Variants in PPA2 observed in about 807,000 individuals in gnomAD.
The protein encoded by PPA2 is inorganic pyrophosphatase 2, mitochondrial.
Under a neutral mutation model 49.5 loss-of-function variants are expected in PPA2, and 48 were observed. The observed-to-expected ratio is 0.97, with a 90% CI of 0.77 to 1.23. PPA2 has a LOEUF of 1.23. Among genes scored for constraint, PPA2 ranks in the 50% most tolerant of loss-of-function variants. The pLI, the probability that PPA2 is intolerant of heterozygous loss-of-function variation, is 0.00. For synonymous variants in PPA2, 131 were observed against 139.9 expected (o/e 0.94, Z 0.45); for missense variants, 429 against 410.1 (o/e 1.05, Z -0.40).
chr4:105,434,102 C>T (rs991133937), intron 6 of PPA2, among the ~76,000 whole-genome samples: 14 of 152,144 alleles, frequency 9.2e-5, no homozygotes, highest in Admixed American at 7.9e-4. Flanking sequence ...GCTGGGATTA[C>T]AGGCATGAGC....
At chr4:105,372,671 G>C (rs1459913441) in intron 10 of PPA2, among the ~76,000 whole-genome samples, 2 of 152,132 alleles carry the variant, frequency 1.3e-5, no homozygotes, top group African/African-American at 4.8e-5. Context: ...GGCTCTCCTG[G>C]GTCTCCAGGC....
intron 7 of PPA2, among the ~76,000 whole-genome samples, chr4:105,412,909 G>A (rs1722829193): frequency 6.6e-6 from 1 of 152,212 alleles, no homozygotes; most frequent in South Asian, 2.1e-4. Flanking sequence ...TTCAACCATT[G>A]CAGAAGACAG....
rs370931408 is a variant in PPA2, at chr4:105,426,438, G to A, written c.529-2116C>T. Among the ~76,000 whole-genome samples the A allele has an allele frequency of 2.4e-4, 36 of 152,330 alleles. No homozygotes were observed. The East Asian group carries it at 6.7e-3, about 29-fold the overall frequency. The stretch of plus-strand genomic sequence containing the variant: ...GATTTCCCTTTTCTAGCCAAGGGAA[G>A]CCATGAGTGACTGTACCTGGAGGAA... On this transcript the variant is annotated intron_variant, in intron 6 of 11. Coordinates refer to ENST00000341695, the MANE Select transcript of PPA2 (RefSeq NM_176869.3).
At chr4:105,409,658 T>A (rs982466391) in intron 7 of PPA2, among the ~76,000 whole-genome samples, 2 of 152,150 alleles carry the variant, frequency 1.3e-5, no homozygotes, top group African/African-American at 4.8e-5. Context: ...AGACACCTCA[T>A]ACAGGTGGGT....
chr4:105,446,432 T>A lies in PPA2; in HGVS notation c.392A>T (p.Asn131Ile). The A allele has an allele frequency of 6.2e-7, 1 of 1,606,720 alleles. No homozygotes were observed. ...VKDGKLRYVANIFPYKGYIWN... is the reference protein window; with the variant it reads ...VKDGKLRYVAIIFPYKGYIWN... ...TATATAACCCTTGTAAGGGAAGATA[T>A]TCGCCACATAGCGTAGCTTTCCATC... Residue 131 changes from asparagine (N) to isoleucine (I), a missense_variant, in exon 5 of 12, where the codon AAT (asparagine) becomes ATT (isoleucine). Coordinates refer to ENST00000341695, the MANE Select transcript of PPA2 (RefSeq NM_176869.3).
At position 105,399,086 on chromosome 4, in the gene PPA2, T is replaced by C; in HGVS notation, c.734A>G (p.Asp245Gly). The change falls in exon 8 of 12, where the codon GAT (aspartate) becomes GGT (glycine). Residue 245 changes from aspartate to glycine, a missense_variant. Transcript: ENST00000341695. ...AGCAAACTGGTTTTCTGGTTTTCCATCTGGTACCTTATATAATCTAAACCA... is the reference window on the plus strand; with the variant it reads ...AGCAAACTGGTTTTCTGGTTTTCCACCTGGTACCTTATATAATCTAAACCA... Reference protein sequence around the residue: ...LNWFRLYKVPDGKPENQFAFN... With the variant: ...LNWFRLYKVPGGKPENQFAFN... 2 of 1,611,038 alleles carry C rather than the reference T, an allele frequency of 1.2e-6. No homozygotes were observed. Among genetic ancestry groups the C allele is most frequent in the Non-Finnish European group, 1.7e-6 (2 of 1,179,242 alleles).
At chr4:105,451,717 C>A (rs1207638681) in intron 3 of PPA2, among the ~76,000 whole-genome samples, 3 of 152,302 alleles carry the variant, frequency 2.0e-5, no homozygotes, top group African/African-American at 7.2e-5. Context: ...CCTACCAAAA[C>A]CACTCACAGA....
intron 11 of PPA2, 105 bp downstream of exon 11, chr4:105,370,731 GC>G (rs1486152195): frequency 8.1e-7 from 1 of 1,234,272 alleles, no homozygotes; most frequent in African/African-American, 1.6e-5. Context: ...AGCTTATACA[GC>G]TTTTCAATTT....
intron 4 of PPA2, among the ~76,000 whole-genome samples, chr4:105,447,828 G>C (rs1386467878): frequency 6.6e-6 from 1 of 151,426 alleles, no homozygotes; most frequent in African/African-American, 2.4e-5. Flanking sequence ...CTGCCTCCTG[G>C]AAGCAAGCAA....
intron 10 of PPA2, among the ~76,000 whole-genome samples, chr4:105,374,277 C>T (rs961246140): frequency 1.7e-4 from 26 of 152,178 alleles, no homozygotes; most frequent in Non-Finnish European, 7.3e-5. Context: ...GCTACTTCCA[C>T]GGCTGGGTGT....
chr4:105,437,155 A>C (rs998468252), intron 6 of PPA2, among the ~76,000 whole-genome samples: 2 of 152,212 alleles, frequency 1.3e-5, no homozygotes, highest in African/African-American at 4.8e-5. Flanking sequence ...TTCTCAAAAA[A>C]AGAAATATAA....
chr4:105,424,038 G>C (rs1163110750), intron 7 of PPA2, among the ~76,000 whole-genome samples, 158 bp downstream of exon 7: 1 of 152,046 alleles, frequency 6.6e-6, no homozygotes, highest in African/African-American at 2.4e-5. Context: ...CCAGTAGAAT[G>C]TACTTTCTTC....
chr4:105,449,417 C>G lies in PPA2; in HGVS notation c.268-14G>C, dbSNP rs1435657125. 1.3e-6 allele frequency: 2 copies of G among 1,530,366 alleles called. No individual in the cohort carries two copies. The highest frequency in any genetic ancestry group is 2.8e-5 in the African/African-American group (2 of 71,910). 94.8% of individuals were successfully genotyped at this position (1,530,366 alleles called of 1,614,324 possible). A position where few individuals can be genotyped will look rare whatever the true frequency, so the allele number is the denominator to read the frequency against. On this transcript the variant is annotated splice_polypyrimidine_tract_variant and intron_variant, in intron 3 of 11. Transcript: ENST00000341695. ...ATTAAACAGATTCTGCAGTTAAAAA[C>G]AAAACAAAGAGAGAACATTAAAAAT...
At chr4:105,471,152 G>C (rs1292684536) in intron 1 of PPA2, among the ~76,000 whole-genome samples, 1 of 152,122 alleles carries the variant, frequency 6.6e-6, no homozygotes, top group Non-Finnish European at 1.5e-5. Context: ...TATACCATGG[G>C]ATGCTTGTGT....
At chr4:105,388,836 G>GA (rs11307608) in intron 9 of PPA2, among the ~76,000 whole-genome samples, 19 of 98,580 alleles carry the variant, frequency 1.9e-4, no homozygotes, top group East Asian at 1.8e-3. Context: ...AAAAAAAAAA[G>GA]AAAAAAAAAA....
chr4:105,386,006 AGTAG>A (rs1179796412), intron 10 of PPA2, among the ~76,000 whole-genome samples: 2 of 151,324 alleles, frequency 1.3e-5, no homozygotes, highest in African/African-American at 4.9e-5. Flanking sequence ...CAGCCTGCCG[AGTAG>A]CTGGGATTAC....
intron 10 of PPA2, among the ~76,000 whole-genome samples, chr4:105,382,168 T>C (rs1292475719): frequency 6.6e-6 from 1 of 152,074 alleles, no homozygotes; most frequent in East Asian, 1.9e-4. Flanking sequence ...TATTTATAAG[T>C]ACTTTTAAAT....
rs541216879 is a variant in PPA2 at position 105,408,607 on chromosome 4, C to T, written c.656-9443G>A. Reference sequence around the variant, plus strand: ...GGGAATCTGGTGACAAACTGTGGTACCAACTTAATAAGAAAGATCACTGAA... The same window carrying T: ...GGGAATCTGGTGACAAACTGTGGTATCAACTTAATAAGAAAGATCACTGAA... On this transcript the variant is annotated intron_variant, in intron 7 of 11. Coordinates refer to ENST00000341695, the MANE Select transcript of PPA2 (RefSeq NM_176869.3). Among the ~76,000 whole-genome samples the T allele has an allele frequency of 9.9e-4, 150 of 152,106 alleles. 4 individuals carry two copies. The highest frequency in any genetic ancestry group is 8.3e-4 in the South Asian group (4 of 4,814).
chr4:105,458,952 GTTTTTGTAGTTGTTCA>G (rs1187524745), intron 1 of PPA2, among the ~76,000 whole-genome samples: 1 of 151,522 alleles, frequency 6.6e-6, no homozygotes, highest in Non-Finnish European at 1.5e-5. Context: ...AAGTTCTGGA[GTTTTTGTAGTTGTTCA>G]TTTTTGTTTG....
Sources: gnomAD v4.1 joint callset for allele counts (sites outside exome capture counted in the v4.1 genomes callset) on GRCh38, gnomAD v4.1.1 for gene constraint, MANE v1.5 for transcripts, NCBI Gene and HGNC (gene_info 2026-07-23, HGNC 2026-07-21) for gene names.